WWC1: variants seen among roughly 807,000 people sequenced by gnomAD.
WWC1 encodes the protein protein KIBRA.
WWC1 carries 55 observed loss-of-function variants against 138.4 expected under a neutral mutation model. The observed-to-expected ratio is 0.40, with a 90% CI of 0.32 to 0.50. The LOEUF (loss-of-function observed/expected upper bound fraction) is 0.50, where lower values mean the gene tolerates loss of function less well. Ranked by LOEUF, WWC1 falls within the 20% of genes least tolerant of loss-of-function variation. WWC1 has a pLI of 0.72. For synonymous variants in WWC1, 524 were observed against 564.9 expected (o/e 0.93, Z 1.03); for missense variants, 1,226 against 1,420.4 (o/e 0.86, Z 2.20).
chr5:168,422,214 T>A (rs1392770155), intron 10 of WWC1, 117 bp downstream of exon 10: 2 of 997,940 alleles, frequency 2.0e-6, no homozygotes, highest in Non-Finnish European at 3.1e-6. Flanking sequence ...GAGTGGATGT[T>A]TAGAAGCATA....
At chr5:168,372,151 C>T (rs1776809891) in intron 2 of WWC1, among the ~76,000 whole-genome samples, 1 of 151,478 alleles carries the variant, frequency 6.6e-6, no homozygotes, top group African/African-American at 2.4e-5. Flanking sequence ...CCAAGTATCC[C>T]AATCCGTTAC....
chr5:168,421,485 G>A (rs1781086956), intron 9 of WWC1, among the ~76,000 whole-genome samples: 1 of 152,142 alleles, frequency 6.6e-6, no homozygotes, highest in Non-Finnish European at 1.5e-5. Flanking sequence ...TTTAATATCG[G>A]TTCTCCCCAG....
intron 1 of WWC1, among the ~76,000 whole-genome samples, chr5:168,339,913 C>CTCTCTTTCTCTCTT (rs1161719667): frequency 3.6e-5 from 5 of 140,618 alleles, no homozygotes; most frequent in African/African-American, 1.2e-4. Flanking sequence ...CTCTTTCTCT[C>CTCTCTTTCTCTCTT]TCTCTCTCTC....
chr5:168,348,461 A>G (rs1774663001), intron 1 of WWC1, among the ~76,000 whole-genome samples: 1 of 152,134 alleles, frequency 6.6e-6, no homozygotes, highest in East Asian at 1.9e-4. Context: ...GCCACACATC[A>G]TTGTCCCTCT....
chr5:168,446,552 A>G (rs1221885517), intron 17 of WWC1, among the ~76,000 whole-genome samples: 7 of 152,226 alleles, frequency 4.6e-5, no homozygotes, highest in Admixed American at 3.3e-4. Flanking sequence ...TCACCTAAGC[A>G]TAGAGCTGAG....
intron 2 of WWC1, among the ~76,000 whole-genome samples, chr5:168,376,502 TGA>T (rs1777178479): frequency 6.6e-6 from 1 of 152,242 alleles, no homozygotes; most frequent in Non-Finnish European, 1.5e-5. Context: ...CTCTCTTCGC[TGA>T]TGATTTGATT....
rs199667456 is a variant in WWC1 at position 168,431,314 on chromosome 5, C to G, written c.2150C>G (p.Pro717Arg). The G allele has an allele frequency of 1.1e-4, 184 of 1,614,068 alleles. No individual in the cohort carries two copies. Among genetic ancestry groups the G allele is most frequent in the Non-Finnish European group, 1.4e-4 (166 of 1,180,032 alleles). Residue 717 changes from proline to arginine, a missense_variant, in exon 15 of 23, where the codon CCT (proline) becomes CGT (arginine). By Grantham distance (103) the Pro-to-Arg change is moderately radical. Around this residue, in one of 3 missense-constraint regions of WWC1, gnomAD observed 1,016 missense variants for 1,153.9 expected, o/e 0.88. Transcript: ENST00000265293. ...ACAACCTGCCTGTTCCGGACCCGGC[C>G]TCTGGACGCCTCAGACACTCTAGTG... ...ESTTCLFRTR[P>R]LDASDTLVFN...
chr5:168,356,642 G>T (rs1219959573), intron 1 of WWC1, among the ~76,000 whole-genome samples: 1 of 152,206 alleles, frequency 6.6e-6, no homozygotes, highest in Non-Finnish European at 1.5e-5. Flanking sequence ...CAGGACTTTC[G>T]AGTAGAGCTA....
At chr5:168,349,253 T>A (rs1405528947) in intron 1 of WWC1, among the ~76,000 whole-genome samples, 1 of 152,188 alleles carries the variant, frequency 6.6e-6, no homozygotes, top group Non-Finnish European at 1.5e-5. Context: ...GGTGTAGGCC[T>A]CTTGGGCACG....
intron 15 of WWC1, among the ~76,000 whole-genome samples, chr5:168,434,574 G>A (rs920893530): frequency 7.2e-5 from 11 of 152,160 alleles, no homozygotes; most frequent in Non-Finnish European, 1.5e-4. Flanking sequence ...GGCTAAGTAA[G>A]CTGCCAGGTC....
chr5:168,371,403 G>A, intron 1 of WWC1, 21 bp from the exon 2 acceptor site: 1 of 1,596,606 alleles, frequency 6.3e-7, no homozygotes, highest in Non-Finnish European at 8.6e-7. Context: ...GATGGAGTCT[G>A]TTTCTCCTCT....
intron 17 of WWC1, among the ~76,000 whole-genome samples, chr5:168,453,495 G>A (rs1444480155): frequency 6.6e-6 from 1 of 152,130 alleles, no homozygotes. Flanking sequence ...ACATAGGTGA[G>A]TACATTGGCC....
chr5:168,357,561 T>C (rs1775555571), intron 1 of WWC1, among the ~76,000 whole-genome samples: 1 of 151,436 alleles, frequency 6.6e-6, no homozygotes, highest in Non-Finnish European at 1.5e-5. Flanking sequence ...CTTGAGAGGC[T>C]GAATGAACAA....
At chr5:168,348,156 C>T (rs910008102) in intron 1 of WWC1, among the ~76,000 whole-genome samples, 1 of 152,166 alleles carries the variant, frequency 6.6e-6, no homozygotes, top group African/African-American at 2.4e-5. Context: ...TGATGTGCAC[C>T]GTTTCCTGAA....
chr5:168,410,736 T>C (rs567403047), intron 8 of WWC1, among the ~76,000 whole-genome samples: 16 of 152,200 alleles, frequency 1.1e-4, no homozygotes, highest in African/African-American at 3.9e-4. Context: ...CATTTGTGCA[T>C]GCATCTTCTC....
chr5:168,400,787 G>C (rs912175951), intron 5 of WWC1, among the ~76,000 whole-genome samples: 2 of 150,102 alleles, frequency 1.3e-5, no homozygotes, highest in Admixed American at 1.3e-4. Context: ...ACTCCAGTCT[G>C]AGTGGCAAAG....
At chr5:168,384,301 A>G (rs886960206) in intron 2 of WWC1, among the ~76,000 whole-genome samples, 4 of 152,242 alleles carry the variant, frequency 2.6e-5, no homozygotes, top group African/African-American at 9.6e-5. Context: ...AGTTCTTAGA[A>G]CAGCACTTAT....
chr5:168,317,198 G>C (rs907889175), intron 1 of WWC1, among the ~76,000 whole-genome samples: 1 of 152,182 alleles, frequency 6.6e-6, no homozygotes, highest in Non-Finnish European at 1.5e-5. Context: ...TGGGCTCTCT[G>C]ACTTCGCAGC....
At chr5:168,431,749 T>C (rs909856904) in intron 15 of WWC1, among the ~76,000 whole-genome samples, 3 of 152,146 alleles carry the variant, frequency 2.0e-5, no homozygotes, top group African/African-American at 7.2e-5. Flanking sequence ...ACTGCAGCTT[T>C]ACTATACAGC....
Sources: allele counts gnomAD v4.1 joint callset (sites outside exome capture counted in the v4.1 genomes callset), GRCh38; gene constraint gnomAD v4.1.1; regional missense constraint gnomAD v4.1.1; transcripts MANE v1.5; gene names NCBI Gene and HGNC (gene_info 2026-07-23, HGNC 2026-07-21).